The following STRN3 variants were observed in gnomAD, a reference collection of about 807,000 sequenced individuals.
STRN3 encodes the protein striatin 3, also known as striatin-3.
A neutral mutation model predicts 95.6 loss-of-function variants in STRN3; 29 were observed. The observed-to-expected ratio is 0.30, with a 90% CI of 0.23 to 0.41. STRN3 has a LOEUF of 0.41. Among genes scored for constraint, STRN3 ranks in the 10% least tolerant of loss-of-function variants. The pLI is 1.00. For synonymous variants in STRN3, 331 were observed against 357.6 expected, an observed-to-expected ratio of 0.93 and a Z score of 0.84; for missense variants, 890 against 972.1, an observed-to-expected ratio of 0.92 and a Z score of 1.12.
Position 30,900,774 on chromosome 14 carries a change from T to C in STRN3, c.2137+1762A>G, listed in dbSNP as rs565391756. Among the ~76,000 whole-genome samples the C allele has an allele frequency of 9.9e-5, 15 of 152,000 alleles. No homozygotes were observed. In the East Asian group the frequency reaches 1.4e-3, roughly 14 times the overall value. ...AAAAAAAAAAAAAAGGATTTTTTTT[T>C]CTATTATTTGGAGCCTACTGCTTCA... On this transcript the variant is annotated intron_variant, in intron 16 of 17. Transcript: ENST00000357479.
intron 1 of STRN3, among the ~76,000 whole-genome samples, chr14:30,965,558 G>T (rs555122974): frequency 6.6e-6 from 1 of 151,896 alleles, no homozygotes; most frequent in East Asian, 1.9e-4. Context: ...GATGGCTCAC[G>T]CCTGTAATCC....
intron 1 of STRN3, among the ~76,000 whole-genome samples, chr14:30,965,303 T>C (rs1037112860): frequency 7.9e-5 from 12 of 152,242 alleles, no homozygotes; most frequent in African/African-American, 2.7e-4. Flanking sequence ...CCCAGTTTGC[T>C]GCAGAATCCC....
intron 8 of STRN3, among the ~76,000 whole-genome samples, chr14:30,926,648 T>C (rs1878188645): frequency 6.6e-6 from 1 of 151,988 alleles, no homozygotes; most frequent in Non-Finnish European, 1.5e-5. Flanking sequence ...ATAATACTTC[T>C]TATATTATCT....
At chr14:30,922,701 GTT>G (rs987041455) in intron 8 of STRN3, among the ~76,000 whole-genome samples, 12 of 152,210 alleles carry the variant, frequency 7.9e-5, no homozygotes, top group African/African-American at 2.9e-4. Flanking sequence ...GTTAAGTCAT[GTT>G]TGCTAGATCT....
At chr14:30,990,092 T>C (rs1370857832) in intron 1 of STRN3, among the ~76,000 whole-genome samples, 1 of 150,976 alleles carries the variant, frequency 6.6e-6, no homozygotes, top group Non-Finnish European at 1.5e-5. Context: ...GCCTAATGAC[T>C]CAAGGAGTTA....
At chr14:30,924,287 CTTTTT>C (rs71112354) in intron 8 of STRN3, among the ~76,000 whole-genome samples, 1 of 77,226 alleles carries the variant, frequency 1.3e-5, no homozygotes, top group Non-Finnish European at 2.2e-5. Context: ...TGCCTTAAAT[CTTTTT>C]TTTTTTTTTT....
At chr14:30,914,435 C>A (rs1896684117) in intron 9 of STRN3, among the ~76,000 whole-genome samples, 1 of 152,044 alleles carries the variant, frequency 6.6e-6, no homozygotes, top group Admixed American at 6.6e-5. Context: ...TCACTGCAAC[C>A]TCCACCTCCT....
At chr14:30,993,030 C>T (rs910320082) in intron 1 of STRN3, among the ~76,000 whole-genome samples, 1 of 152,102 alleles carries the variant, frequency 6.6e-6, no homozygotes, top group African/African-American at 2.4e-5. Flanking sequence ...CTTAATAAGA[C>T]ATCATTTGTC....
chr14:31,009,718 G>A (rs1397754283), intron 1 of STRN3, among the ~76,000 whole-genome samples: 1 of 151,008 alleles, frequency 6.6e-6, no homozygotes. Context: ...AAATAGAAGT[G>A]GCTAAACATA....
At position 30,960,505 on chromosome 14, in the gene STRN3, GCAGAA is replaced by G. The variant is rs142111370; in HGVS notation, c.283-4268_283-4264del. On this transcript the variant is annotated intron_variant, in intron 1 of 17. Transcript: ENST00000357479. ...CACATGATTTATGAAAGATGGCAGT[GCAGAA>G]CATTGAGAAAAAAATGGTTGCTTCA... 3.4e-3 allele frequency among the ~76,000 whole-genome samples: 513 copies of G among 152,222 alleles called. 11 individuals carry two copies. In the East Asian group the frequency reaches 0.07, roughly 21 times the overall value.
chr14:30,898,570 G>A (rs1182084687), intron 16 of STRN3, among the ~76,000 whole-genome samples: 1 of 152,114 alleles, frequency 6.6e-6, no homozygotes, highest in African/African-American at 2.4e-5. Flanking sequence ...CATGAATAGA[G>A]AACACAATGC....
At chr14:31,025,384 G>C (rs1407119782) in intron 1 of STRN3, 1 of 168,256 alleles carries the variant, frequency 5.9e-6, no homozygotes, top group African/African-American at 2.4e-5. Context: ...GCCCAGGAAA[G>C]AAGCGTGGCT....
chr14:30,961,645 C>A (rs921522218), intron 1 of STRN3, among the ~76,000 whole-genome samples: 1 of 152,210 alleles, frequency 6.6e-6, no homozygotes, highest in Non-Finnish European at 1.5e-5. Flanking sequence ...ATTTACTATA[C>A]ATTTTTGTTT....
chr14:30,988,324 T>A (rs945840767), intron 1 of STRN3, among the ~76,000 whole-genome samples: 1 of 152,158 alleles, frequency 6.6e-6, no homozygotes, highest in Non-Finnish European at 1.5e-5. Context: ...CAAACTAAAA[T>A]TAATAAACAA....
intron 15 of STRN3, among the ~76,000 whole-genome samples, chr14:30,903,543 C>T (rs1272039140): frequency 1.3e-5 from 2 of 152,100 alleles, no homozygotes; most frequent in East Asian, 3.9e-4. Flanking sequence ...GGACTACAGG[C>T]ACACATCACC....
intron 7 of STRN3, among the ~76,000 whole-genome samples, chr14:30,929,546 C>G (rs1292903026): frequency 6.6e-6 from 1 of 151,962 alleles, no homozygotes; most frequent in African/African-American, 2.4e-5. Flanking sequence ...TTTTCATGAA[C>G]CACAAATTTG....
chr14:30,988,138 T>C (rs375729242), intron 1 of STRN3, among the ~76,000 whole-genome samples: 1 of 152,216 alleles, frequency 6.6e-6, no homozygotes, highest in Non-Finnish European at 1.5e-5. Context: ...AAGCCAAGTC[T>C]TCCATTATTC....
At chr14:31,013,994 T>C (rs1883118312) in intron 1 of STRN3, among the ~76,000 whole-genome samples, 1 of 150,828 alleles carries the variant, frequency 6.6e-6, no homozygotes, top group African/African-American at 2.5e-5. Context: ...CCTTGACCCC[T>C]TGGGCTCAAG....
At chr14:31,001,750 C>A (rs985234198) in intron 1 of STRN3, among the ~76,000 whole-genome samples, 1 of 152,160 alleles carries the variant, frequency 6.6e-6, no homozygotes, top group Non-Finnish European at 1.5e-5. Context: ...CATTAACAGA[C>A]GAATGGATCT....
Sources: gnomAD v4.1 joint callset for allele counts (sites outside exome capture counted in the v4.1 genomes callset) on GRCh38, gnomAD v4.1.1 for gene constraint, MANE v1.5 for transcripts, NCBI Gene and HGNC (gene_info 2026-07-23, HGNC 2026-07-21) for gene names.